The following ROR2 variants were observed in gnomAD, a reference collection of about 807,000 sequenced individuals.
ROR2 encodes tyrosine-protein kinase transmembrane receptor ROR2.
A neutral mutation model predicts 74.9 loss-of-function variants in ROR2; 33 were observed. The observed-to-expected ratio is 0.44, with a 90% CI of 0.33 to 0.59. ROR2 has a LOEUF of 0.59. Among genes scored for constraint, ROR2 ranks in the 20% least tolerant of loss-of-function variants. ROR2 has a pLI of 0.02. For missense variants in ROR2, 1,216 were observed against 1,313.8 expected (o/e 0.93, Z 1.15); for synonymous variants, 586 against 558.7 (o/e 1.05, Z -0.69).
intron 1 of ROR2, among the ~76,000 whole-genome samples, chr9:91,794,698 T>C (rs1313145326): frequency 6.6e-6 from 1 of 152,060 alleles, no homozygotes; most frequent in African/African-American, 2.4e-5. Flanking sequence ...GCGATTCTCC[T>C]TAGGCATTTC....
chr9:91,819,022 C>T (rs1828042732), intron 1 of ROR2, among the ~76,000 whole-genome samples: 1 of 152,198 alleles, frequency 6.6e-6, no homozygotes. Context: ...CAGCTCTGTC[C>T]GGTCAGTCCC....
At chr9:91,878,352 C>A (rs557202117) in intron 1 of ROR2, among the ~76,000 whole-genome samples, 3 of 152,168 alleles carry the variant, frequency 2.0e-5, no homozygotes, top group African/African-American at 7.2e-5. Context: ...TGATTCACCC[C>A]TCATGGTCAG....
Position 91,924,781 on chromosome 9 carries a change from TA to T in ROR2, c.97+25085del, listed in dbSNP as rs535189760. On this transcript the variant is annotated intron_variant, in intron 1 of 8. Transcript: ENST00000375708. ...CTGGGCGACAGAGCGAGACTCCATCTAAAAAAAAAAAAAATTCTGATTCAAC... is the reference window on the plus strand; with the variant it reads ...CTGGGCGACAGAGCGAGACTCCATCTAAAAAAAAAAAAATTCTGATTCAAC... Among the ~76,000 whole-genome samples the T allele has an allele frequency of 8.4e-3, 1,221 of 146,030 alleles. 14 individuals are homozygous for T. Among genetic ancestry groups the T allele is most frequent in the African/African-American group, 0.023 (917 of 39,878 alleles).
intron 1 of ROR2, among the ~76,000 whole-genome samples, chr9:91,932,956 A>C (rs966155948): frequency 1.3e-5 from 2 of 152,220 alleles, no homozygotes; most frequent in Non-Finnish European, 2.9e-5. Flanking sequence ...TACTGGGAGA[A>C]TAAATTGCTG....
At chr9:91,889,884 C>T (rs1286012781) in intron 1 of ROR2, among the ~76,000 whole-genome samples, 1 of 152,196 alleles carries the variant, frequency 6.6e-6, no homozygotes, top group African/African-American at 2.4e-5. Context: ...CAAAAGGCTC[C>T]AGAATAATCC....
intron 1 of ROR2, among the ~76,000 whole-genome samples, chr9:91,792,394 C>T (rs908585763): frequency 1.0e-3 from 151 of 147,706 alleles, no homozygotes; most frequent in African/African-American, 3.6e-3. Flanking sequence ...TGCAAGCTCC[C>T]GCCTCCCGGG....
At chr9:91,756,029 C>T (rs1467215726) in intron 4 of ROR2, 42 bp downstream of exon 4, 1 of 1,605,794 alleles carries the variant, frequency 6.2e-7, no homozygotes, top group Non-Finnish European at 8.5e-7. Flanking sequence ...AACAAAAACC[C>T]TCAGAGCAGC....
chr9:91,823,842 C>A (rs1828207394), intron 1 of ROR2, among the ~76,000 whole-genome samples: 1 of 152,188 alleles, frequency 6.6e-6, no homozygotes, highest in South Asian at 2.1e-4. Flanking sequence ...GGGAAGGTGC[C>A]CCCAGAGCTC....
chr9:91,828,223 TCAA>T (rs1199985658), intron 1 of ROR2, among the ~76,000 whole-genome samples: 1 of 152,244 alleles, frequency 6.6e-6, no homozygotes, highest in Non-Finnish European at 1.5e-5. Flanking sequence ...TTAGGTAACT[TCAA>T]CAGCACCTGC....
intron 1 of ROR2, among the ~76,000 whole-genome samples, chr9:91,827,083 G>A (rs1032503894): frequency 1.3e-5 from 2 of 151,950 alleles, no homozygotes; most frequent in African/African-American, 4.8e-5. Flanking sequence ...TTTGTTACAC[G>A]ATTAGACTCA....
chr9:91,724,888 C>T lies in ROR2; in HGVS notation c.1606G>A (p.Val536Ile), dbSNP rs145088924. ...GTCACCACGCCCAGCAGGCAGACGA[C>T]GTTGGGGTGTTGCAGCCGTGCTCGC... ...MLRARLQHPN[V>I]VCLLGVVTKD... Residue 536 changes from valine to isoleucine, a missense_variant, in exon 9 of 9, where the codon GTC becomes ATC. By Grantham distance (29) the Val-to-Ile change is conservative. Coordinates refer to ENST00000375708, the MANE Select transcript of ROR2 (RefSeq NM_004560.4). The T allele has an allele frequency of 3.1e-5, 49 of 1,605,432 alleles. No individual in the cohort carries two copies. Among genetic ancestry groups the T allele is most frequent in the African/African-American group, 1.7e-4 (13 of 74,780 alleles).
Position 91,837,617 on chromosome 9 carries a change from AT to A in ROR2, c.98-61800del, listed in dbSNP as rs937920106. ...GGGAAGAAGGCCAATCAATTAAAGG[AT>A]CAGCAGTTATTCTCAAAGCCATCTC... is the stretch of plus-strand genomic sequence containing the variant. On this transcript the variant is annotated intron_variant, in intron 1 of 8. Coordinates refer to ENST00000375708, the MANE Select transcript of ROR2 (RefSeq NM_004560.4). Among the ~76,000 whole-genome samples, 146 of 152,324 alleles carry A rather than the reference AT, an allele frequency of 9.6e-4. 1 individual carries two copies. The highest frequency in any genetic ancestry group is 3.3e-3 in the African/African-American group (138 of 41,564).
At chr9:91,853,755 G>C (rs1327087796) in intron 1 of ROR2, among the ~76,000 whole-genome samples, 1 of 152,152 alleles carries the variant, frequency 6.6e-6, no homozygotes, top group African/African-American at 2.4e-5. Flanking sequence ...AGCGCATGAA[G>C]AGCCGAGTTG....
At chr9:91,813,236 C>T (rs145808413) in intron 1 of ROR2, among the ~76,000 whole-genome samples, 42 of 152,290 alleles carry the variant, frequency 2.8e-4, no homozygotes, top group African/African-American at 9.6e-4. Flanking sequence ...AACGAAATGT[C>T]GACCTTCTAC....
intron 1 of ROR2, among the ~76,000 whole-genome samples, chr9:91,857,846 G>A (rs1422066863): frequency 6.6e-6 from 1 of 152,186 alleles, no homozygotes; most frequent in East Asian, 1.9e-4. Context: ...AGTATTTAGC[G>A]CTCTCCCACC....
intron 1 of ROR2, among the ~76,000 whole-genome samples, chr9:91,907,675 G>C (rs944310524): frequency 2.6e-5 from 4 of 152,136 alleles, no homozygotes; most frequent in Non-Finnish European, 5.9e-5. Context: ...AAGGGGGCTG[G>C]CTTCCCAAAT....
intron 2 of ROR2, among the ~76,000 whole-genome samples, chr9:91,775,429 C>T (rs891598359): frequency 2.0e-5 from 3 of 152,136 alleles, no homozygotes; most frequent in African/African-American, 7.2e-5. Context: ...CGTACACACA[C>T]CTCTGGAGTC....
chr9:91,819,518 TG>T (rs1249689489), intron 1 of ROR2, among the ~76,000 whole-genome samples: 1 of 151,380 alleles, frequency 6.6e-6, no homozygotes, highest in African/African-American at 2.4e-5. Context: ...GTGTGTTCTG[TG>T]TCTGTCTTTG....
At chr9:91,839,512 G>A (rs1250296062) in intron 1 of ROR2, among the ~76,000 whole-genome samples, 2 of 151,808 alleles carry the variant, frequency 1.3e-5, no homozygotes, top group African/African-American at 2.4e-5. Context: ...GTGGGTATGT[G>A]TGGTGCGTGT....
Sources: allele counts gnomAD v4.1 joint callset (sites outside exome capture counted in the v4.1 genomes callset), GRCh38; gene constraint gnomAD v4.1.1; transcripts MANE v1.5; gene names NCBI Gene and HGNC (gene_info 2026-07-23, HGNC 2026-07-21).